ABR: variants seen among roughly 807,000 people sequenced by gnomAD.
The protein encoded by ABR is active breakpoint cluster region-related protein.
ABR carries 35 observed loss-of-function variants against 107.2 expected under a neutral mutation model. That is an observed-to-expected ratio of 0.33 (90% CI 0.25 to 0.43). The LOEUF is 0.43. Ranked by LOEUF, ABR falls within the 20% of genes least tolerant of loss-of-function variation. The pLI is 1.00. For missense variants in ABR, 815 were observed against 1,115.2 expected (o/e 0.73, Z 3.83); for synonymous variants, 498 against 462.0 (o/e 1.08, Z -1.00).
chr17:1,012,518 G>C, intron 18 of ABR, 170 bp downstream of exon 18: 1 of 701,362 alleles, frequency 1.4e-6, no homozygotes. Flanking sequence ...GAAGTGTCCT[G>C]TGAGCGCCTC....
intron 5 of ABR, 123 bp from the exon 6 acceptor site, chr17:1,079,513 G>C: frequency 7.6e-6 from 7 of 915,546 alleles, no homozygotes; most frequent in Non-Finnish European, 1.2e-5. Flanking sequence ...CAGAGGCCGG[G>C]TGTGGCGGCT....
intron 17 of ABR, 50 bp downstream of exon 17, chr17:1,013,055 A>C: frequency 8.1e-6 from 13 of 1,603,678 alleles, no homozygotes; most frequent in Non-Finnish European, 1.1e-5. Context: ...TGCTGCACAG[A>C]CGTTCCACCT....
intron 1 of ABR, among the ~76,000 whole-genome samples, chr17:1,159,245 C>A: frequency 6.6e-6 from 1 of 151,246 alleles, no homozygotes; most frequent in Non-Finnish European, 1.5e-5. Flanking sequence ...GCGGTACTCA[C>A]ACACGGGAGA....
intron 9 of ABR, among the ~76,000 whole-genome samples, chr17:1,069,561 A>T (rs970402609): frequency 1.3e-5 from 2 of 152,078 alleles, no homozygotes; most frequent in Non-Finnish European, 2.9e-5. Context: ...AATCCCAGCT[A>T]CTCAGGAGGC....
intron 1 of ABR, among the ~76,000 whole-genome samples, chr17:1,144,852 T>C (rs2040465100): frequency 6.6e-6 from 1 of 152,100 alleles, no homozygotes; most frequent in South Asian, 2.1e-4. Flanking sequence ...AAACCCTATC[T>C]CTGCTAAAAA....
intron 1 of ABR, among the ~76,000 whole-genome samples, chr17:1,169,359 G>A (rs958339027): frequency 6.6e-6 from 1 of 152,240 alleles, no homozygotes; most frequent in Non-Finnish European, 1.5e-5. Context: ...ATGAGATCAC[G>A]AATGTGAGAA....
At chr17:1,058,640 G>C in intron 11 of ABR, 105 bp downstream of exon 11, 1 of 1,429,130 alleles carries the variant, frequency 7.0e-7, no homozygotes, top group South Asian at 1.4e-5. Flanking sequence ...TCAGGAAGAG[G>C]GGGCCTGAGT....
In ABR at chr17:1,057,113, A is replaced by G; in HGVS notation, c.1382-11T>C. 1 of 1,589,608 alleles carries G rather than the reference A, an allele frequency of 6.3e-7. No homozygotes were observed. Among genetic ancestry groups the G allele is most frequent in the Non-Finnish European group, 8.6e-7 (1 of 1,159,296 alleles). Reference sequence around the variant, plus strand: ...CAAAGGCCTGGAGATCTGGAGGGAGAGCCGAGAGAGAAGGGAGCGTGGGCA... The same window carrying G: ...CAAAGGCCTGGAGATCTGGAGGGAGGGCCGAGAGAGAAGGGAGCGTGGGCA... On this transcript the variant is annotated splice_polypyrimidine_tract_variant and intron_variant, in intron 12 of 22. Transcript: ENST00000302538.
intron 14 of ABR, 29 bp downstream of exon 14, chr17:1,056,006 C>G: frequency 6.2e-7 from 1 of 1,606,242 alleles, no homozygotes; most frequent in Non-Finnish European, 8.5e-7. Flanking sequence ...CAATGGCCCA[C>G]CCAACCTCGT....
chr17:1,017,310 C>G (rs992454422), intron 16 of ABR, among the ~76,000 whole-genome samples: 3 of 152,022 alleles, frequency 2.0e-5, no homozygotes, highest in Non-Finnish European at 4.4e-5. Context: ...GGCTGTCCCT[C>G]GTAGTTCCTT....
chr17:1,133,312 G>A (rs985438698), intron 1 of ABR, among the ~76,000 whole-genome samples: 1 of 151,772 alleles, frequency 6.6e-6, no homozygotes, highest in Non-Finnish European at 1.5e-5. Flanking sequence ...AAGGTTTAGT[G>A]GTTGGTACAG....
At chr17:1,028,287 C>CG (rs1359386119) in intron 16 of ABR, among the ~76,000 whole-genome samples, 10 of 150,128 alleles carry the variant, frequency 6.7e-5, no homozygotes, top group South Asian at 2.1e-4. Context: ...TTAGTAGACA[C>CG]GGGGTTTCAC....
At chr17:1,137,716 G>A (rs2040135932) in intron 1 of ABR, among the ~76,000 whole-genome samples, 1 of 152,148 alleles carries the variant, frequency 6.6e-6, no homozygotes, top group Non-Finnish European at 1.5e-5. Context: ...GAAAAAAAAC[G>A]CAGCATCTTT....
intron 16 of ABR, among the ~76,000 whole-genome samples, chr17:1,034,843 C>A (rs943521464): frequency 2.0e-5 from 3 of 152,138 alleles, no homozygotes; most frequent in East Asian, 3.9e-4. Flanking sequence ...CGAGAATGCA[C>A]GCCCCTCCCT....
intron 16 of ABR, among the ~76,000 whole-genome samples, chr17:1,032,906 G>A (rs1165826632): frequency 2.0e-5 from 3 of 152,184 alleles, no homozygotes; most frequent in African/African-American, 7.2e-5. Flanking sequence ...CGTGGCAACC[G>A]CGAACCAGGT....
At chr17:1,062,935 G>A (rs1165538172) in intron 10 of ABR, among the ~76,000 whole-genome samples, 3 of 143,974 alleles carry the variant, frequency 2.1e-5, no homozygotes, top group African/African-American at 5.0e-5. Flanking sequence ...TGAACTGAGG[G>A]CTATGCATGT....
intron 1 of ABR, among the ~76,000 whole-genome samples, chr17:1,213,051 A>AC (rs2042934335): frequency 6.6e-6 from 1 of 152,188 alleles, no homozygotes; most frequent in Admixed American, 6.5e-5. Flanking sequence ...ATCAGAGTCA[A>AC]CCCATCTAAC....
intron 4 of ABR, among the ~76,000 whole-genome samples, chr17:1,089,265 C>T (rs1354808592): frequency 1.3e-5 from 2 of 151,700 alleles, no homozygotes; most frequent in African/African-American, 4.8e-5. Context: ...AACTCTAAGC[C>T]TCAAGTGATC....
intron 1 of ABR, among the ~76,000 whole-genome samples, chr17:1,143,541 A>G (rs1424362420): frequency 9.1e-4 from 61 of 66,992 alleles, no homozygotes; most frequent in Middle Eastern, 0.01. Context: ...GGGACAGCTC[A>G]TTCCTGGGGG....
Sources: allele counts gnomAD v4.1 joint callset (sites outside exome capture counted in the v4.1 genomes callset), GRCh38; gene constraint gnomAD v4.1.1; transcripts MANE v1.5; gene names NCBI Gene and HGNC (gene_info 2026-07-23, HGNC 2026-07-21).